WFS1: variants seen among roughly 807,000 people sequenced by gnomAD.
The protein encoded by WFS1 is wolframin.
In WFS1, 90 loss-of-function variants were observed where a neutral mutation model predicts 68.5. That is an observed-to-expected ratio of 1.31 (90% CI 1.11 to 1.56). The LOEUF (loss-of-function observed/expected upper bound fraction) is 1.56. Among genes scored for constraint, WFS1 ranks in the 40% most tolerant of loss-of-function variants. The pLI, the probability that WFS1 is intolerant of heterozygous loss-of-function variation, is 0.00. For synonymous variants in WFS1, 860 were observed against 540.7 expected (o/e 1.59, Z -8.19); for missense variants, 1,767 against 1,232.6 (o/e 1.43, Z -6.49).
At chr4:6,294,243 A>T (rs895659184) in intron 6 of WFS1, among the ~76,000 whole-genome samples, 1 of 152,064 alleles carries the variant, frequency 6.6e-6, no homozygotes, top group Non-Finnish European at 1.5e-5. Flanking sequence ...CACCACGGCA[A>T]CTGGGGTCCT....
At chr4:6,300,623 C>G in intron 7 of WFS1, 34 bp from the exon 8 acceptor site, 1 of 1,613,500 alleles carries the variant, frequency 6.2e-7, no homozygotes. Context: ...GGGTCCTGTC[C>G]CAGCCTCGTT....
chr4:6,277,466 A>G lies in WFS1; in HGVS notation c.11A>G (p.Asn4Ser), dbSNP rs1730027522. The G allele has an allele frequency of 1.3e-6, 2 of 1,555,074 alleles. No individual in the cohort carries two copies. Among genetic ancestry groups the G allele is most frequent in the Non-Finnish European group, 8.7e-7 (1 of 1,149,484 alleles). Reference protein sequence around the residue: MDSNTAPLGPSCPQ... With the variant: MDSSTAPLGPSCPQ... ...TTTCTTCCAGGCAGGATGGACTCCAACACTGCTCCGCTGGGCCCCTCCTGC... is the reference window on the plus strand; with the variant it reads ...TTTCTTCCAGGCAGGATGGACTCCAGCACTGCTCCGCTGGGCCCCTCCTGC... The change falls in exon 2 of 8, where the codon AAC becomes AGC. Residue 4 changes from asparagine to serine, a missense_variant. Coordinates refer to ENST00000226760, the MANE Select transcript of WFS1 (RefSeq NM_006005.3).
chr4:6,278,613 G>C (rs1042527200), intron 2 of WFS1, among the ~76,000 whole-genome samples: 2 of 152,190 alleles, frequency 1.3e-5, no homozygotes, highest in Non-Finnish European at 2.9e-5. Context: ...CGAGGTGCTC[G>C]AGTGGTCCAG....
Position 6,301,250 on chromosome 4 carries a change from C to G in WFS1, c.1455C>G (p.Gly485=), listed in dbSNP as rs1172774717. The G allele has an allele frequency of 9.9e-6, 16 of 1,611,414 alleles. No individual in the cohort carries two copies. The highest frequency in any genetic ancestry group is 1.4e-5 in the Non-Finnish European group (16 of 1,180,026). The change falls in exon 8 of 8, where the codon GGC becomes GGG. Residue 485 remains glycine (G), a synonymous_variant. Coordinates refer to ENST00000226760, the MANE Select transcript of WFS1 (RefSeq NM_006005.3). Reference sequence around the variant, plus strand: ...ATTGGCCCTACCTGAAGGTCCTTGGCCAGACCTTCATCACCGTGCCTGTCG... The same window carrying G: ...ATTGGCCCTACCTGAAGGTCCTTGGGCAGACCTTCATCACCGTGCCTGTCG... ...PLNWPYLKVL[G]QTFITVPVGH... is the part of the protein sequence containing the mutation.
chr4:6,270,573 CCTCT>C (rs1729805491), intron 1 of WFS1, among the ~76,000 whole-genome samples: 1 of 152,132 alleles, frequency 6.6e-6, no homozygotes, highest in African/African-American at 2.4e-5. Context: ...TGTGGCAGTT[CCTCT>C]CTCTCTCGGG....
chr4:6,298,889 C>G (rs983578151), intron 7 of WFS1, among the ~76,000 whole-genome samples: 5 of 152,232 alleles, frequency 3.3e-5, no homozygotes, highest in Non-Finnish European at 7.3e-5. Flanking sequence ...TTTGTGGGGT[C>G]TGGTGCTTCC....
intron 1 of WFS1, among the ~76,000 whole-genome samples, chr4:6,272,216 C>G (rs1052621717): frequency 2.0e-5 from 3 of 152,220 alleles, no homozygotes; most frequent in African/African-American, 7.2e-5. Flanking sequence ...GACAAGACTT[C>G]TCTAGGGCAG....
chr4:6,293,068 C>T (rs921838428), intron 6 of WFS1, among the ~76,000 whole-genome samples: 1 of 152,194 alleles, frequency 6.6e-6, no homozygotes, highest in Admixed American at 6.5e-5. Context: ...AGCCCGAGGA[C>T]CAGAGAGGCT....
chr4:6,300,981 A>G lies in WFS1; in HGVS notation c.1186A>G (p.Asn396Asp). 2 of 1,613,944 alleles carry G rather than the reference A, an allele frequency of 1.2e-6. No homozygotes were observed. The highest frequency in any genetic ancestry group is 1.7e-6 in the Non-Finnish European group (2 of 1,179,994). ...PNLDVEQAEV[N>D]FGWNHLEPYA... ...CCTGGATGTGGAGCAGGCCGAGGTC[A>G]ACTTCGGCTGGAACCACCTGGAGCC... The change falls in exon 8 of 8, where the codon AAC becomes GAC. Residue 396 changes from asparagine to aspartate, a missense_variant. Coordinates refer to ENST00000226760, the MANE Select transcript of WFS1 (RefSeq NM_006005.3).
intron 1 of WFS1, among the ~76,000 whole-genome samples, chr4:6,270,363 C>A (rs571212929): frequency 1.3e-5 from 2 of 151,650 alleles, no homozygotes; most frequent in South Asian, 4.1e-4. Flanking sequence ...GCCATCCCCC[C>A]CGAGTTGCCC....
intron 2 of WFS1, among the ~76,000 whole-genome samples, chr4:6,285,135 C>G (rs922510120): frequency 6.9e-6 from 1 of 145,962 alleles, no homozygotes; most frequent in African/African-American, 2.6e-5. Context: ...GGAAGCTGAG[C>G]CCGAAACTCT....
intron 2 of WFS1, among the ~76,000 whole-genome samples, chr4:6,278,750 G>A (rs1730069484): frequency 1.3e-5 from 2 of 152,222 alleles, no homozygotes; most frequent in African/African-American, 4.8e-5. Context: ...TGCAGCCCTG[G>A]GCCCTGTTTG....
intron 1 of WFS1, among the ~76,000 whole-genome samples, chr4:6,274,418 T>C (rs1164027392): frequency 6.6e-6 from 1 of 152,040 alleles, no homozygotes; most frequent in Non-Finnish European, 1.5e-5. Context: ...ATAGCACCCC[T>C]ATGTGGGAGG....
At chr4:6,286,190 A>G (rs1730303726) in intron 2 of WFS1, among the ~76,000 whole-genome samples, 1 of 152,098 alleles carries the variant, frequency 6.6e-6, no homozygotes, top group African/African-American at 2.4e-5. Context: ...AGAACAATCC[A>G]CTGCTGTGGA....
chr4:6,291,426 C>T, intron 5 of WFS1, 59 bp downstream of exon 5: 2 of 1,593,246 alleles, frequency 1.3e-6, no homozygotes, highest in South Asian at 2.2e-5. Flanking sequence ...CCACAGGAGC[C>T]AGGACCTTCC....
chr4:6,292,507 C>A (rs1253887309), intron 6 of WFS1, among the ~76,000 whole-genome samples: 1 of 152,076 alleles, frequency 6.6e-6, no homozygotes, highest in East Asian at 1.9e-4. Flanking sequence ...GGGATAGAGT[C>A]TCTGGGGCAC....
intron 7 of WFS1, among the ~76,000 whole-genome samples, chr4:6,296,525 T>C (rs991088075): frequency 1.3e-5 from 2 of 152,230 alleles, no homozygotes; most frequent in Non-Finnish European, 2.9e-5. Context: ...GAGCTGGCCC[T>C]AGGCAAGCAT....
rs1553876675 is a variant in WFS1 at position 6,289,032 on chromosome 4, C to A, written c.361C>A (p.Leu121Ile). The change falls in exon 4 of 8, where the codon CTC (leucine) becomes ATC (isoleucine). Residue 121 changes from leucine (L) to isoleucine (I), a missense_variant. Coordinates refer to ENST00000226760, the MANE Select transcript of WFS1 (RefSeq NM_006005.3). ...GTTGGCCGGCGACACGGATGAAGAA[C>A]TCAACAGCTGCACCGCTGTGGACTG... ...LQLAGDTDEELNSCTAVDWLV... is the reference protein window; with the variant it reads ...LQLAGDTDEEINSCTAVDWLV... 2 of 1,607,316 alleles carry A rather than the reference C, an allele frequency of 1.2e-6. No individual in the cohort carries two copies. The highest frequency in any genetic ancestry group is 3.3e-4 in the Middle Eastern group (2 of 6,080).
At chr4:6,297,212 G>A (rs753778474) in intron 7 of WFS1, among the ~76,000 whole-genome samples, 4 of 152,194 alleles carry the variant, frequency 2.6e-5, no homozygotes, top group Non-Finnish European at 5.9e-5. Flanking sequence ...TTTGGATGCT[G>A]TCAGAGCACT....
Sources: allele counts gnomAD v4.1 joint callset (sites outside exome capture counted in the v4.1 genomes callset), GRCh38; gene constraint gnomAD v4.1.1; transcripts MANE v1.5; gene names NCBI Gene and HGNC (gene_info 2026-07-23, HGNC 2026-07-21).